The following AKAP13 variants were observed in gnomAD, a reference collection of about 807,000 sequenced individuals.
AKAP13 encodes A-kinase anchoring protein 13.
AKAP13 carries 80 observed loss-of-function variants against 264.5 expected under a neutral mutation model. The ratio of observed to expected loss-of-function variants is 0.30; its 90% CI spans 0.25 to 0.36. AKAP13 has a LOEUF of 0.36. Among genes scored for constraint, AKAP13 ranks in the 10% least tolerant of loss-of-function variants. The probability of loss-of-function intolerance (pLI) is 1.00; values close to 1 mark genes in which losing one functional copy is unlikely to be tolerated. For synonymous variants in AKAP13, 1,380 were observed against 1,250.2 expected, an observed-to-expected ratio of 1.10 and a Z score of -2.19; for missense variants, 3,712 against 3,435.2, an observed-to-expected ratio of 1.08 and a Z score of -2.01.
At chr15:85,403,649 T>C (rs1362965478) in intron 1 of AKAP13, among the ~76,000 whole-genome samples, 26 of 152,130 alleles carry the variant, frequency 1.7e-4, no homozygotes, top group Admixed American at 1.7e-3. Context: ...GAGATCAGCC[T>C]GATCAACATA....
intron 8 of AKAP13, among the ~76,000 whole-genome samples, chr15:85,609,750 G>A (rs895859737): frequency 2.0e-5 from 3 of 152,158 alleles, no homozygotes; most frequent in Admixed American, 1.3e-4. Context: ...ACCAGACATT[G>A]TGCTATTCCT....
chr15:85,579,893 G>A lies in AKAP13; in HGVS notation c.1825G>A (p.Ala609Thr), dbSNP rs747919838. Reference protein sequence around the residue: ...DGLEPYTLLAAGIGEAMSPSD... With the variant: ...DGLEPYTLLATGIGEAMSPSD... ...ATTAGAACCTTATACTCTCTTAGCA[G>A]CAGGCATAGGTGAGGCAATGTCACC... The change falls in exon 7 of 37, where the codon GCA (alanine) becomes ACA (threonine). Residue 609 changes from alanine to threonine, a missense_variant. This residue lies in a region of AKAP13 where 2,759 missense variants were observed against 2,411.7 expected (regional missense o/e 1.14). Transcript: ENST00000394518. 2.5e-6 allele frequency: 4 copies of A among 1,614,220 alleles called. No individual in the cohort carries two copies. The highest frequency in any genetic ancestry group is 2.2e-5 in the East Asian group (1 of 44,892).
At chr15:85,433,462 G>T (rs1292602720) in intron 1 of AKAP13, among the ~76,000 whole-genome samples, 1 of 151,828 alleles carries the variant, frequency 6.6e-6, no homozygotes, top group South Asian at 2.1e-4. Context: ...CTTTTTCTTC[G>T]ATTTCTAGGT....
chr15:85,663,515 A>G (rs1182113262), intron 12 of AKAP13, among the ~76,000 whole-genome samples: 1 of 152,192 alleles, frequency 6.6e-6, no homozygotes, highest in Admixed American at 6.5e-5. Flanking sequence ...AGCAAATACA[A>G]GTCCTGGACT....
intron 1 of AKAP13, among the ~76,000 whole-genome samples, chr15:85,453,300 C>T (rs1212177190): frequency 6.6e-6 from 1 of 151,070 alleles, no homozygotes. Flanking sequence ...GTGGCTGGAG[C>T]CCCAGGCTTG....
rs140215114 is a variant in AKAP13, at chr15:85,585,091, C to T, written c.4040-611C>T. The stretch of plus-strand genomic sequence containing the variant: ...ATTCTTGAGAAAACATGCGCAGAAA[C>T]GTTTCTCTTAAGAAAGGGATAGCTA... On this transcript the variant is annotated intron_variant, in intron 7 of 36. Transcript: ENST00000394518. Among the ~76,000 whole-genome samples, 417 of 152,312 alleles carry T rather than the reference C, an allele frequency of 2.7e-3. 3 individuals carry two copies. The highest frequency in any genetic ancestry group is 9.7e-3 in the African/African-American group (403 of 41,550).
rs2087058572 is a variant in AKAP13, at chr15:85,718,161, TGA to T, written c.6001+6_6001+7del. The T allele has an allele frequency of 1.2e-6, 2 of 1,613,886 alleles. No individual in the cohort carries two copies. The highest frequency in any genetic ancestry group is 1.7e-6 in the Non-Finnish European group (2 of 1,179,818). ...TCAAACGGCAAGAAGTAATATATGG[TGA>T]GAGTCTTCATTTTGCTCTGATTATA... On this transcript the variant is annotated splice_donor_region_variant and intron_variant, in intron 22 of 36. Transcript: ENST00000394518. This position sits in a 1 kb window ranked among gnomAD's most constrained non-coding sequence, Gnocchi z 4.9.
At chr15:85,689,520 C>A (rs2085149404) in intron 16 of AKAP13, among the ~76,000 whole-genome samples, 1 of 152,202 alleles carries the variant, frequency 6.6e-6, no homozygotes. Context: ...TAGCCTGTTT[C>A]TCCAGCACAC....
chr15:85,707,237 A>G (rs767775941), intron 17 of AKAP13, among the ~76,000 whole-genome samples: 4 of 152,162 alleles, frequency 2.6e-5, no homozygotes, highest in Admixed American at 2.6e-4. Flanking sequence ...CTGAGAGCTG[A>G]TGGTAAGCCT....
chr15:85,582,968 C>T (rs1319276375), intron 7 of AKAP13: 11 of 985,416 alleles, frequency 1.1e-5, no homozygotes, highest in African/African-American at 8.7e-5. Context: ...AAAGAGAAAC[C>T]GCTATTGCTC....
intron 2 of AKAP13, among the ~76,000 whole-genome samples, chr15:85,492,487 G>A (rs1026291275): frequency 6.6e-6 from 1 of 152,148 alleles, no homozygotes; most frequent in African/African-American, 2.4e-5. Context: ...CTTATTCTCT[G>A]TATTACATAT....
chr15:85,720,411 T>C (rs372132051), intron 23 of AKAP13, among the ~76,000 whole-genome samples: 19 of 152,316 alleles, frequency 1.2e-4, no homozygotes, highest in African/African-American at 4.6e-4. Flanking sequence ...AAAATATGTA[T>C]TGTTGATACT....
In AKAP13 at chr15:85,744,500, A is replaced by C. The variant is rs2089305126; in HGVS notation, c.8393-128A>C. ...AATTTGTTCAGAAACCCCGGTGCGCAGAAGAGTTAATTGCCCATAAGCCCC... is the reference window on the plus strand; with the variant it reads ...AATTTGTTCAGAAACCCCGGTGCGCCGAAGAGTTAATTGCCCATAAGCCCC... On this transcript the variant is annotated intron_variant, in intron 36 of 36. Transcript: ENST00000394518. 9.3e-6 allele frequency: 9 copies of C among 972,782 alleles called. No homozygotes were observed. In the Admixed American group the frequency reaches 1.6e-4, roughly 17 times the overall value. 60.3% of individuals were successfully genotyped at this position (972,782 alleles called of 1,614,324 possible).
chr15:85,546,752 T>TC (rs201086990), intron 5 of AKAP13, among the ~76,000 whole-genome samples: 4 of 151,438 alleles, frequency 2.6e-5, no homozygotes, highest in African/African-American at 9.7e-5. Flanking sequence ...TTTTTTTTTT[T>TC]CTTTTCTTTG....
At chr15:85,533,523 TAGCGTCCTTTC>T in intron 3 of AKAP13, 50 bp from the exon 4 acceptor site, 1 of 1,486,284 alleles carries the variant, frequency 6.7e-7, no homozygotes, top group Non-Finnish European at 9.0e-7. Context: ...GAGGATCCAC[TAGCGTCCTTTC>T]AGCAGTGAGG....
At chr15:85,572,493 T>C (rs542640007) in intron 5 of AKAP13, among the ~76,000 whole-genome samples, 132 of 152,236 alleles carry the variant, frequency 8.7e-4, no homozygotes, top group South Asian at 4.4e-3. Flanking sequence ...TAGTAAAATA[T>C]GTAAAACATG....
intron 1 of AKAP13, chr15:85,415,343 C>A: frequency 6.3e-7 from 1 of 1,575,524 alleles, no homozygotes; most frequent in Admixed American, 1.7e-5. Flanking sequence ...ACACAATAGC[C>A]AAGCCAGATT....
intron 3 of AKAP13, among the ~76,000 whole-genome samples, chr15:85,526,633 G>A (rs942417849): frequency 6.6e-6 from 1 of 152,122 alleles, no homozygotes. Flanking sequence ...TTACCAAATG[G>A]AATAGCATAT....
At chr15:85,576,874 A>T (rs912636241) in intron 6 of AKAP13, among the ~76,000 whole-genome samples, 1 of 152,216 alleles carries the variant, frequency 6.6e-6, no homozygotes, top group African/African-American at 2.4e-5. Context: ...ACCTGCCAAG[A>T]TATGGAAATG....
Sources: allele counts gnomAD v4.1 joint callset (sites outside exome capture counted in the v4.1 genomes callset), GRCh38; gene constraint gnomAD v4.1.1; regional missense constraint gnomAD v4.1.1; non-coding constraint Gnocchi (gnomAD v3.1); transcripts MANE v1.5; gene names NCBI Gene and HGNC (gene_info 2026-07-23, HGNC 2026-07-21).